Variants in RBFOX1 observed in about 807,000 individuals in gnomAD.
The protein encoded by RBFOX1 is RNA binding fox-1 homolog 1.
RBFOX1 carries 8 observed loss-of-function variants against 57.7 expected under a neutral mutation model. The observed-to-expected ratio is 0.14, with a 90% confidence interval of 0.08 to 0.25. The LOEUF is 0.25. RBFOX1 is among the 10% of genes least tolerant of loss of function. The pLI is 1.00. For synonymous variants in RBFOX1, 326 were observed against 222.4 expected (o/e 1.47, Z -4.15); for missense variants, 611 against 548.5 (o/e 1.11, Z -1.14).
rs578260209 is a variant in RBFOX1 at position 5,750,750 on chromosome 16, A to G, written c.319-116553A>G. 5.3e-5 allele frequency among the ~76,000 whole-genome samples: 8 copies of G among 152,284 alleles called. No individual in the cohort carries two copies. In the South Asian group the frequency reaches 1.7e-3, roughly 32 times the overall value. ...TAGGGTGGGAGTGACCCAATTTTCC[A>G]GGTGCCGTCTGCCACAGCTTCCCTT... is the stretch of plus-strand genomic sequence containing the variant. On this transcript the variant is annotated intron_variant, in intron 3 of 19. Transcript: ENST00000641259.
intron 3 of RBFOX1, among the ~76,000 whole-genome samples, chr16:6,757,756 C>T (rs552473254): frequency 2.6e-5 from 4 of 152,078 alleles, no homozygotes; most frequent in Non-Finnish European, 4.4e-5. Flanking sequence ...TGGTTAAAAA[C>T]AATTTATTGT....
intron 1 of RBFOX1, among the ~76,000 whole-genome samples, chr16:5,265,674 T>C (rs562982608): frequency 1.0e-3 from 158 of 152,294 alleles, no homozygotes; most frequent in African/African-American, 3.7e-3. Context: ...AAAGCAAAAA[T>C]CCATCTCTCT....
chr16:7,705,229 G>A (rs781193826), intron 14 of RBFOX1, among the ~76,000 whole-genome samples: 34 of 152,056 alleles, frequency 2.2e-4, no homozygotes, highest in Admixed American at 1.7e-3. Flanking sequence ...TGTGTGGGCC[G>A]GGCATGGTGG....
At chr16:7,443,744 C>T (rs761575631) in intron 4 of RBFOX1, among the ~76,000 whole-genome samples, 2 of 152,082 alleles carry the variant, frequency 1.3e-5, no homozygotes, top group African/African-American at 2.4e-5. Flanking sequence ...CTCTCTAAAC[C>T]GAAAACTTTG....
chr16:6,167,703 C>G (rs1225360712), intron 1 of RBFOX1, among the ~76,000 whole-genome samples: 2 of 152,124 alleles, frequency 1.3e-5, no homozygotes, highest in Non-Finnish European at 2.9e-5. Context: ...CTTAATGGAA[C>G]TCTTGTCAGC....
chr16:6,928,941 A>G (rs1011645623), intron 3 of RBFOX1, among the ~76,000 whole-genome samples: 1 of 152,136 alleles, frequency 6.6e-6, no homozygotes, highest in African/African-American at 2.4e-5. Context: ...AAGTCCCCAA[A>G]GCAGATGTCA....
At position 6,951,064 on chromosome 16, in the gene RBFOX1, C is replaced by T. The variant is rs973352268; in HGVS notation, c.-15-100993C>T. Among the ~76,000 whole-genome samples the T allele has an allele frequency of 1.7e-4, 26 of 152,006 alleles. 1 individual carries two copies. Among genetic ancestry groups the T allele is most frequent in the Admixed American group, 1.4e-3 (22 of 15,270 alleles). On this transcript the variant is annotated intron_variant, in intron 3 of 15. Coordinates refer to ENST00000550418, the MANE Select transcript of RBFOX1 (RefSeq NM_018723.4). Reference sequence around the variant, plus strand: ...GGGACTACAGGCACGTATCACCATGCCCAGCAATTTTATCTTATTTTTTGT... The same window carrying T: ...GGGACTACAGGCACGTATCACCATGTCCAGCAATTTTATCTTATTTTTTGT...
chr16:5,276,502 G>A (rs2063143254), intron 1 of RBFOX1, among the ~76,000 whole-genome samples: 1 of 152,136 alleles, frequency 6.6e-6, no homozygotes, highest in Non-Finnish European at 1.5e-5. Flanking sequence ...AAGAAAAATA[G>A]GGCCAGGCGC....
intron 5 of RBFOX1, among the ~76,000 whole-genome samples, chr16:7,536,015 C>T (rs2081376973): frequency 6.6e-6 from 1 of 152,142 alleles, no homozygotes; most frequent in Admixed American, 6.5e-5. Context: ...GTACAGTCTA[C>T]CGTAACACAG....
chr16:7,468,562 G>A (rs771840934), intron 4 of RBFOX1, among the ~76,000 whole-genome samples: 10 of 151,294 alleles, frequency 6.6e-5, no homozygotes, highest in African/African-American at 1.5e-4. Flanking sequence ...ATGGAACTTC[G>A]GAAATGGGAC....
intron 1 of RBFOX1, among the ~76,000 whole-genome samples, chr16:6,101,431 T>G (rs942859012): frequency 1.3e-5 from 2 of 152,168 alleles, no homozygotes; most frequent in Non-Finnish European, 2.9e-5. Context: ...AAGAACAAAT[T>G]TATTTGGGTG....
intron 3 of RBFOX1, among the ~76,000 whole-genome samples, chr16:5,839,408 C>G (rs1395993630): frequency 6.6e-6 from 1 of 152,266 alleles, no homozygotes. Context: ...ATTCCTTTAG[C>G]CCTCTCCACA....
At chr16:7,441,107 C>T (rs935027273) in intron 4 of RBFOX1, among the ~76,000 whole-genome samples, 5 of 152,062 alleles carry the variant, frequency 3.3e-5, no homozygotes, top group African/African-American at 1.2e-4. Context: ...AGAAATGGAA[C>T]AAGTGACCTG....
intron 1 of RBFOX1, among the ~76,000 whole-genome samples, chr16:5,274,332 C>T (rs1182191243): frequency 2.0e-5 from 3 of 152,110 alleles, no homozygotes; most frequent in Non-Finnish European, 4.4e-5. Context: ...AGTTCGAGAC[C>T]AGCCTGGCCA....
intron 5 of RBFOX1, among the ~76,000 whole-genome samples, chr16:7,532,093 A>T (rs148916243): frequency 6.7e-6 from 1 of 149,564 alleles, no homozygotes; most frequent in African/African-American, 2.4e-5. Flanking sequence ...ATTTAAATAG[A>T]TTGTTCTCTG....
intron 4 of RBFOX1, among the ~76,000 whole-genome samples, chr16:7,179,704 C>G (rs1473369266): frequency 1.3e-5 from 2 of 151,796 alleles, no homozygotes; most frequent in Non-Finnish European, 2.9e-5. Context: ...ATATAGAACT[C>G]TTTAAAAAGA....
chr16:6,541,958 A>G (rs1373903759), intron 2 of RBFOX1, among the ~76,000 whole-genome samples: 1 of 148,572 alleles, frequency 6.7e-6, no homozygotes, highest in Non-Finnish European at 1.5e-5. Context: ...TTTTTTTTTT[A>G]ATTAAAGAGA....
At chr16:6,491,102 G>T (rs2095622578) in intron 2 of RBFOX1, among the ~76,000 whole-genome samples, 1 of 151,838 alleles carries the variant, frequency 6.6e-6, no homozygotes, top group South Asian at 2.1e-4. Flanking sequence ...AATTATACGT[G>T]TATATATAGT....
At chr16:6,808,256 C>T (rs2087447924) in intron 3 of RBFOX1, among the ~76,000 whole-genome samples, 1 of 151,302 alleles carries the variant, frequency 6.6e-6, no homozygotes, top group Non-Finnish European at 1.5e-5. Flanking sequence ...TCTACTGATG[C>T]CCCATCACTT....
Sources: gnomAD v4.1 joint callset for allele counts (sites outside exome capture counted in the v4.1 genomes callset) on GRCh38, gnomAD v4.1.1 for gene constraint, MANE v1.5 for transcripts, NCBI Gene and HGNC (gene_info 2026-07-23, HGNC 2026-07-21) for gene names.